DLG2: variants seen among roughly 807,000 people sequenced by gnomAD.
DLG2 encodes disks large homolog 2.
In DLG2, 45 loss-of-function variants were observed where a neutral mutation model predicts 132.5. That is an observed-to-expected ratio of 0.34 (90% CI 0.27 to 0.44). DLG2 has a LOEUF of 0.44. DLG2 is among the 20% of genes least tolerant of loss of function. The pLI, the probability that DLG2 is intolerant of heterozygous loss-of-function variation, is 1.00. For synonymous variants in DLG2, 424 were observed against 419.6 expected, an observed-to-expected ratio of 1.01 and a Z score of -0.13; for missense variants, 1,045 against 1,196.9, an observed-to-expected ratio of 0.87 and a Z score of 1.87.
chr11:85,313,060 C>T (rs1596156550), intron 3 of DLG2, among the ~76,000 whole-genome samples: 1 of 151,886 alleles, frequency 6.6e-6, no homozygotes. Flanking sequence ...CGAGACCATA[C>T]ATGATGTGTG....
chr11:85,614,507 G>T (rs886527970), intron 2 of DLG2, among the ~76,000 whole-genome samples: 2 of 152,062 alleles, frequency 1.3e-5, no homozygotes, highest in Non-Finnish European at 2.9e-5. Context: ...GAGCATGGAG[G>T]CCCATGCCTG....
At position 83,789,976 on chromosome 11, in the gene DLG2, G is replaced by A. The variant is rs149155123; in HGVS notation, c.1723-3184C>T. ...ATGCAGGGTTCTCAGTCTTTCAGTAGTGCTTCTCCTGTAAATAATCCTTCA... is the reference window on the plus strand; with the variant it reads ...ATGCAGGGTTCTCAGTCTTTCAGTAATGCTTCTCCTGTAAATAATCCTTCA... On this transcript the variant is annotated intron_variant, in intron 17 of 27. Coordinates refer to ENST00000376104, the MANE Select transcript of DLG2 (RefSeq NM_001142699.3). The A allele has an allele frequency of 6.8e-3, 9,216 of 1,349,272 alleles. 53 individuals are homozygous for A. Among genetic ancestry groups the A allele is most frequent in the Middle Eastern group, 0.015 (51 of 3,496 alleles). The allele number at this position is 1,349,272 out of a possible 1,614,324, so 83.6% of individuals were successfully genotyped here.
intron 6 of DLG2, among the ~76,000 whole-genome samples, chr11:84,809,826 A>G (rs1021970540): frequency 6.6e-6 from 1 of 152,038 alleles, no homozygotes; most frequent in Non-Finnish European, 1.5e-5. Context: ...GAGAGAAATC[A>G]TTCCACCTGA....
At chr11:85,411,285 G>A (rs1351294504) in intron 3 of DLG2, among the ~76,000 whole-genome samples, 2 of 151,760 alleles carry the variant, frequency 1.3e-5, no homozygotes, top group Admixed American at 1.3e-4. Context: ...AGCATAAAAT[G>A]AGAAAGAAAA....
intron 3 of DLG2, among the ~76,000 whole-genome samples, chr11:85,486,600 G>C (rs144091374): frequency 9.2e-5 from 14 of 152,150 alleles, no homozygotes; most frequent in African/African-American, 2.7e-4. Flanking sequence ...CCAACCTACT[G>C]ATACCACCAC....
At chr11:83,840,608 T>C (rs990640562) in intron 16 of DLG2, among the ~76,000 whole-genome samples, 4 of 152,222 alleles carry the variant, frequency 2.6e-5, no homozygotes, top group Admixed American at 2.0e-4. Context: ...TCAAGCAATC[T>C]TGACAGATTC....
Position 83,860,274 on chromosome 11 carries a change from G to A in DLG2, c.1565+14146C>T, listed in dbSNP as rs948344948. On this transcript the variant is annotated intron_variant, in intron 16 of 27. Coordinates refer to ENST00000376104, the MANE Select transcript of DLG2 (RefSeq NM_001142699.3). Reference sequence around the variant, plus strand: ...TTTGCATTATGCGCCTGAAGAAACCGCAGACACTCAATACCAGCCCATGAA... The same window carrying A: ...TTTGCATTATGCGCCTGAAGAAACCACAGACACTCAATACCAGCCCATGAA... Among the ~76,000 whole-genome samples, 8 of 152,230 alleles carry A rather than the reference G, an allele frequency of 5.3e-5. No individual in the cohort carries two copies. In the East Asian group the frequency reaches 5.8e-4, roughly 11 times the overall value.
At chr11:84,706,119 A>T (rs558895103) in intron 6 of DLG2, among the ~76,000 whole-genome samples, 1 of 151,932 alleles carries the variant, frequency 6.6e-6, no homozygotes, top group Non-Finnish European at 1.5e-5. Flanking sequence ...AATACTATTA[A>T]TATTTCCTTG....
At chr11:85,605,989 A>T (rs770963998) in intron 2 of DLG2, among the ~76,000 whole-genome samples, 1 of 152,158 alleles carries the variant, frequency 6.6e-6, no homozygotes, top group South Asian at 2.1e-4. Context: ...AAGAAAAAAA[A>T]AAAGAATGGT....
chr11:83,524,964 G>A (rs2095570560), intron 21 of DLG2, among the ~76,000 whole-genome samples: 1 of 152,150 alleles, frequency 6.6e-6, no homozygotes, highest in African/African-American at 2.4e-5. Flanking sequence ...TGTATATAAG[G>A]TTGCAGATTA....
Position 84,847,350 on chromosome 11 carries a change from A to G in DLG2, c.357+264311T>C, listed in dbSNP as rs573519019. 3.9e-5 allele frequency among the ~76,000 whole-genome samples: 6 copies of G among 152,250 alleles called. No homozygotes were observed. In the South Asian group the frequency reaches 1.2e-3, roughly 32 times the overall value. ...GACATTATCTCTTGCATTAACATGA[A>G]AAGTAGAAAATATAGCCAATGAACT... On this transcript the variant is annotated intron_variant, in intron 6 of 27. Coordinates refer to ENST00000376104, the MANE Select transcript of DLG2 (RefSeq NM_001142699.3).
intron 4 of DLG2, among the ~76,000 whole-genome samples, chr11:85,181,913 T>C (rs898557437): frequency 6.6e-6 from 1 of 151,846 alleles, no homozygotes; most frequent in Non-Finnish European, 1.5e-5. Flanking sequence ...CAATTATTTA[T>C]ATTGTGAACA....
chr11:83,780,759 C>T (rs1172661407), intron 18 of DLG2, among the ~76,000 whole-genome samples: 1 of 152,172 alleles, frequency 6.6e-6, no homozygotes, highest in Non-Finnish European at 1.5e-5. Context: ...CTTCTTAGAT[C>T]TCCTGCAGTT....
At chr11:84,541,024 C>T (rs1490220536) in intron 6 of DLG2, among the ~76,000 whole-genome samples, 1 of 151,974 alleles carries the variant, frequency 6.6e-6, no homozygotes, top group Non-Finnish European at 1.5e-5. Context: ...GGGAACATCA[C>T]ACACCGGGAC....
At chr11:84,777,315 A>ACG (rs2070819181) in intron 6 of DLG2, among the ~76,000 whole-genome samples, 3 of 82,194 alleles carry the variant, frequency 3.6e-5, no homozygotes, top group Non-Finnish European at 8.0e-5. Context: ...ATATATATAT[A>ACG]TATATATATA....
chr11:85,436,829 T>C (rs530471278), intron 3 of DLG2, among the ~76,000 whole-genome samples: 23 of 152,344 alleles, frequency 1.5e-4, no homozygotes, highest in African/African-American at 4.8e-4. Flanking sequence ...ATATAGATTA[T>C]TCTACTATGA....
intron 8 of DLG2, among the ~76,000 whole-genome samples, chr11:84,203,414 C>G (rs2096622249): frequency 6.6e-6 from 1 of 151,886 alleles, no homozygotes; most frequent in Admixed American, 6.6e-5. Flanking sequence ...AACCCCGTCT[C>G]TACTAAAAAT....
intron 4 of DLG2, among the ~76,000 whole-genome samples, chr11:85,279,811 T>A (rs2078121709): frequency 6.6e-6 from 1 of 152,076 alleles, no homozygotes; most frequent in South Asian, 2.1e-4. Context: ...TACCCTACAA[T>A]AGCATGCACA....
At chr11:83,871,269 C>T (rs2063387031) in intron 16 of DLG2, among the ~76,000 whole-genome samples, 1 of 152,220 alleles carries the variant, frequency 6.6e-6, no homozygotes, top group African/African-American at 2.4e-5. Context: ...TTTTGTCTGG[C>T]ATAATTATAG....
Sources: gnomAD v4.1 joint callset for allele counts (sites outside exome capture counted in the v4.1 genomes callset) on GRCh38, gnomAD v4.1.1 for gene constraint, MANE v1.5 for transcripts, NCBI Gene and HGNC (gene_info 2026-07-23, HGNC 2026-07-21) for gene names.